MRPS31: variants seen among roughly 807,000 people sequenced by gnomAD.
MRPS31 encodes mitochondrial ribosomal protein S31, also known as small ribosomal subunit protein mS31.
A neutral mutation model predicts 43.1 loss-of-function variants in MRPS31; 32 were observed. The observed-to-expected ratio is 0.74, with a 90% CI of 0.56 to 1.00. The LOEUF (loss-of-function observed/expected upper bound fraction) is 1.00, where lower values mean the gene tolerates loss of function less well. Ranked by LOEUF, MRPS31 falls within the 50% of genes least tolerant of loss-of-function variation. MRPS31 has a pLI of 0.00. For missense variants in MRPS31, 437 were observed against 466.7 expected, an observed-to-expected ratio of 0.94 and a Z score of 0.59; for synonymous variants, 165 against 161.6, an observed-to-expected ratio of 1.02 and a Z score of -0.16.
At chr13:40,742,005 A>AT (rs779589066) in intron 6 of MRPS31, among the ~76,000 whole-genome samples, 22 of 152,042 alleles carry the variant, frequency 1.4e-4, no homozygotes, top group Non-Finnish European at 2.8e-4. Context: ...TGTAACTGCC[A>AT]TTTAATGTCG....
intron 1 of MRPS31, 126 bp from the exon 2 acceptor site, chr13:40,767,159 T>C: frequency 1.3e-6 from 1 of 770,500 alleles, no homozygotes; most frequent in Non-Finnish European, 1.9e-6. Context: ...GCCCTTTCCG[T>C]TGCTTTTTTT....
intron 4 of MRPS31, among the ~76,000 whole-genome samples, chr13:40,755,633 G>T (rs780504454): frequency 2.0e-5 from 3 of 152,166 alleles, no homozygotes; most frequent in Non-Finnish European, 2.9e-5. Flanking sequence ...GGCCTGGGTT[G>T]TCTGGGGTTG....
At chr13:40,741,888 T>TACACACACACACACAG (rs1880105362) in intron 6 of MRPS31, among the ~76,000 whole-genome samples, 1 of 140,758 alleles carries the variant, frequency 7.1e-6, no homozygotes, top group African/African-American at 2.7e-5. Context: ...AGTAACAAAA[T>TACACACACACACACAG]ACACACACAC....
At position 40,770,958 on chromosome 13, in the gene MRPS31, G is replaced by C. The variant is rs746749988; in HGVS notation, c.152+27C>G. The C allele has an allele frequency of 9.9e-6, 16 of 1,613,784 alleles. No individual in the cohort carries two copies. In the Admixed American group the frequency reaches 1.7e-4, roughly 17 times the overall value. Reference sequence around the variant, plus strand: ...CAGGAAGTCGGAGGATGTACAGGACGGGGCACGGGGTTGCCTGAGGACCTA... The same window carrying C: ...CAGGAAGTCGGAGGATGTACAGGACCGGGCACGGGGTTGCCTGAGGACCTA... On this transcript the variant is annotated intron_variant, in intron 1 of 6. Coordinates refer to ENST00000323563, the MANE Select transcript of MRPS31 (RefSeq NM_005830.4).
At chr13:40,755,640 G>T (rs1880507511) in intron 4 of MRPS31, among the ~76,000 whole-genome samples, 4 of 152,108 alleles carry the variant, frequency 2.6e-5, no homozygotes, top group Admixed American at 2.0e-4. Flanking sequence ...GTTGTCTGGG[G>T]TTGATATCCC....
At chr13:40,739,508 T>C (rs1420722260) in intron 6 of MRPS31, among the ~76,000 whole-genome samples, 1 of 152,188 alleles carries the variant, frequency 6.6e-6, no homozygotes, top group Non-Finnish European at 1.5e-5. Context: ...AGAACAAAGC[T>C]GGAGGCATCA....
chr13:40,730,756 T>C (rs895273574), intron 6 of MRPS31, among the ~76,000 whole-genome samples: 2 of 151,546 alleles, frequency 1.3e-5, no homozygotes, highest in African/African-American at 4.8e-5. Flanking sequence ...AGATGGGGTT[T>C]CACCATGTTG....
rs531734948 is a variant in MRPS31, at chr13:40,751,966, C to G, written c.814+2053G>C. 8.6e-5 allele frequency among the ~76,000 whole-genome samples: 13 copies of G among 151,718 alleles called. No individual in the cohort carries two copies. The South Asian group carries it at 2.7e-3, about 32-fold the overall frequency. On this transcript the variant is annotated intron_variant, in intron 5 of 6. Transcript: ENST00000323563. ...AGTAAGATGGTTCCTTCAAGACTCTCAAGAATCTTCAAGTGCCTCTTTTGG... is the reference window on the plus strand; with the variant it reads ...AGTAAGATGGTTCCTTCAAGACTCTGAAGAATCTTCAAGTGCCTCTTTTGG...
At chr13:40,759,460 C>A (rs368960078) in intron 2 of MRPS31, among the ~76,000 whole-genome samples, 2,218 of 150,516 alleles carry the variant, frequency 0.015, 63 homozygotes, top group African/African-American at 0.05. Flanking sequence ...CCAAAACAAA[C>A]AAAAAAAACA....
At chr13:40,756,720 T>C (rs1880538151) in intron 4 of MRPS31, among the ~76,000 whole-genome samples, 153 bp downstream of exon 4, 1 of 152,126 alleles carries the variant, frequency 6.6e-6, no homozygotes, top group African/African-American at 2.4e-5. Flanking sequence ...CTCTAGGAAG[T>C]GGTATACAGA....
chr13:40,735,794 C>G (rs1879883193), intron 6 of MRPS31, among the ~76,000 whole-genome samples: 1 of 150,466 alleles, frequency 6.6e-6, no homozygotes, highest in Admixed American at 6.6e-5. Context: ...TCACCATCAT[C>G]AAAGACCAAA....
At chr13:40,761,097 AAAAAG>A (rs1259262875) in intron 2 of MRPS31, among the ~76,000 whole-genome samples, 3 of 151,644 alleles carry the variant, frequency 2.0e-5, no homozygotes, top group Admixed American at 1.3e-4. Flanking sequence ...GGATAGAGAA[AAAAAG>A]AAAAGAAAAA....
chr13:40,758,827 G>T (rs546720442), intron 3 of MRPS31, 121 bp downstream of exon 3: 3 of 919,310 alleles, frequency 3.3e-6, no homozygotes, highest in South Asian at 8.5e-5. Context: ...AAATTATGTG[G>T]TATATTTTAT....
intron 1 of MRPS31, 60 bp from the exon 2 acceptor site, chr13:40,767,093 AAACT>A: frequency 1.5e-6 from 2 of 1,344,912 alleles, no homozygotes; most frequent in Non-Finnish European, 2.0e-6. Context: ...ATAAAGTAAA[AAACT>A]TACTTACAAT....
chr13:40,770,461 T>C (rs1880975336), intron 1 of MRPS31, among the ~76,000 whole-genome samples: 1 of 152,240 alleles, frequency 6.6e-6, no homozygotes, highest in Non-Finnish European at 1.5e-5. Context: ...AATGGTTAGG[T>C]GTCCCTATTT....
chr13:40,739,754 G>A (rs1880028927), intron 6 of MRPS31, among the ~76,000 whole-genome samples: 1 of 150,900 alleles, frequency 6.6e-6, no homozygotes, highest in Non-Finnish European at 1.5e-5. Context: ...AGCTGAAACT[G>A]GATCCCTTCC....
intron 2 of MRPS31, among the ~76,000 whole-genome samples, chr13:40,759,888 A>T (rs1423978797): frequency 6.6e-6 from 1 of 152,242 alleles, no homozygotes; most frequent in Non-Finnish European, 1.5e-5. Flanking sequence ...ATATATCCAT[A>T]CAATGGAAGA....
intron 6 of MRPS31, among the ~76,000 whole-genome samples, chr13:40,742,810 C>A (rs754997650): frequency 6.6e-6 from 1 of 152,170 alleles, no homozygotes; most frequent in South Asian, 2.1e-4. Flanking sequence ...TTGAGAATTA[C>A]TCTAGGAAAG....
intron 1 of MRPS31, among the ~76,000 whole-genome samples, chr13:40,769,979 C>A (rs558484323): frequency 1.3e-5 from 2 of 152,188 alleles, no homozygotes; most frequent in Non-Finnish European, 2.9e-5. Flanking sequence ...TTCACACTTT[C>A]TATATTAAAA....
Sources: allele counts gnomAD v4.1 joint callset (sites outside exome capture counted in the v4.1 genomes callset), GRCh38; gene constraint gnomAD v4.1.1; transcripts MANE v1.5; gene names NCBI Gene and HGNC (gene_info 2026-07-23, HGNC 2026-07-21).